CKMT2: variants seen among roughly 807,000 people sequenced by gnomAD.
CKMT2 encodes the protein creatine kinase S-type, mitochondrial.
Under a neutral mutation model 48.9 loss-of-function variants are expected in CKMT2, and 43 were observed. The ratio of observed to expected loss-of-function variants is 0.88; its 90% CI spans 0.69 to 1.13. The LOEUF (loss-of-function observed/expected upper bound fraction) is 1.13. Among genes scored for constraint, CKMT2 ranks in the 50% most tolerant of loss-of-function variants. The pLI is 0.00. For synonymous variants in CKMT2, 206 were observed against 213.0 expected (o/e 0.97, Z 0.29); for missense variants, 472 against 555.4 (o/e 0.85, Z 1.51).
intron 1 of CKMT2, among the ~76,000 whole-genome samples, chr5:81,236,530 T>C (rs1039001565): frequency 8.5e-5 from 13 of 152,206 alleles, no homozygotes; most frequent in African/African-American, 3.1e-4. Context: ...CCTTACATAA[T>C]GCATGGCTCA....
At chr5:81,263,651 CA>C (rs1561289347) in intron 9 of CKMT2, 35 bp downstream of exon 9, 1 of 1,580,418 alleles carries the variant, frequency 6.3e-7, no homozygotes, top group Admixed American at 1.7e-5. Flanking sequence ...CATGAACTAA[CA>C]AAATCAGCCT....
chr5:81,233,381 G>C lies in CKMT2; in HGVS notation c.-21+4G>C. ...CGTGGGAGGCTCCGGCTTCAAGGTC[G>C]GTGAGTCCGTGAAACTCTGCTTTAT... On this transcript the variant is annotated splice_donor_region_variant and intron_variant, in intron 1 of 9. Coordinates refer to ENST00000254035, the MANE Select transcript of CKMT2 (RefSeq NM_001099735.2). 1.0e-6 allele frequency: 1 copy of C among 985,774 alleles called. No homozygotes were observed. The highest frequency in any genetic ancestry group is 1.2e-6 in the Non-Finnish European group (1 of 830,200). 61.1% of individuals were successfully genotyped at this position (985,774 alleles called of 1,614,324 possible). A position where few individuals can be genotyped will look rare whatever the true frequency, so the allele number is the denominator to read the frequency against.
rs749435153 is a variant in CKMT2 at position 81,266,290 on chromosome 5, T to G, written c.*32T>G. On this transcript the variant is annotated 3_prime_UTR_variant, in exon 10 of 10. Coordinates refer to ENST00000254035, the MANE Select transcript of CKMT2 (RefSeq NM_001099735.2). Reference sequence around the variant, plus strand: ...CCTTTCCCAATTTATAAATAATCTGTCTGCTGGTACGACAGACATAAATCT... The same window carrying G: ...CCTTTCCCAATTTATAAATAATCTGGCTGCTGGTACGACAGACATAAATCT... 6.2e-7 allele frequency: 1 copy of G among 1,608,962 alleles called. No homozygotes were observed. Among genetic ancestry groups the G allele is most frequent in the South Asian group, 1.1e-5 (1 of 90,888 alleles).
At chr5:81,258,234 C>G (rs1388488768) in intron 7 of CKMT2, among the ~76,000 whole-genome samples, 2 of 150,980 alleles carry the variant, frequency 1.3e-5, no homozygotes, top group African/African-American at 4.9e-5. Flanking sequence ...CCACGCCCAG[C>G]CTCAAGGCAT....
At chr5:81,240,314 AAC>A (rs1273763795) in intron 1 of CKMT2, among the ~76,000 whole-genome samples, 2 of 152,144 alleles carry the variant, frequency 1.3e-5, no homozygotes, top group African/African-American at 4.8e-5. Flanking sequence ...CTTAAGGGAA[AAC>A]ACTCAGCATA....
chr5:81,234,413 GT>G (rs1453281363), intron 1 of CKMT2, among the ~76,000 whole-genome samples: 9 of 152,144 alleles, frequency 5.9e-5, no homozygotes, highest in Non-Finnish European at 1.3e-4. Flanking sequence ...CATTTTCTCT[GT>G]TCTGAACTCG....
intron 1 of CKMT2, chr5:81,245,358 G>A (rs559290677): frequency 6.6e-5 from 10 of 152,228 alleles, no homozygotes; most frequent in Non-Finnish European, 1.0e-4. Flanking sequence ...CTCACTAGCA[G>A]TGTTAACACT....
chr5:81,256,859 A>G, intron 5 of CKMT2, 56 bp from the exon 6 acceptor site: 2 of 1,270,320 alleles, frequency 1.6e-6, no homozygotes, highest in Non-Finnish European at 2.3e-6. Flanking sequence ...TGGCACTTGC[A>G]GTCCTGTTTG....
intron 1 of CKMT2, chr5:81,245,530 G>T (rs558451350): frequency 6.6e-6 from 1 of 152,382 alleles, no homozygotes; most frequent in African/African-American, 2.4e-5. Flanking sequence ...TACATTGAAG[G>T]CCTGAGAGAG....
At chr5:81,235,296 C>T (rs1053225697) in intron 1 of CKMT2, among the ~76,000 whole-genome samples, 7 of 152,282 alleles carry the variant, frequency 4.6e-5, no homozygotes, top group Admixed American at 1.3e-4. Context: ...TTTGAGGTAA[C>T]GCACACCCTT....
Position 81,259,196 on chromosome 5 carries a change from C to A in CKMT2, c.956C>A (p.Ser319Ter), listed in dbSNP as rs774845259. 6.2e-7 allele frequency: 1 copy of A among 1,614,000 alleles called. No individual in the cohort carries two copies. Among genetic ancestry groups the A allele is most frequent in the Non-Finnish European group, 8.5e-7 (1 of 1,179,966 alleles). ...CTAGGATACATTTTGACCTGTCCTT[C>A]GAACCTTGGAACAGGACTACGAGCT... Reference protein sequence around the residue: ...ERLGYILTCPSNLGTGLRAGV... With the variant: ...ERLGYILTCP Residue 319 changes from serine (S) to a stop codon, truncating the protein, a stop_gained, in exon 8 of 10, where the codon TCG (serine) becomes TAG (stop). Transcript: ENST00000254035. LOFTEE classifies it high-confidence loss of function.
At chr5:81,235,053 C>T (rs1756208337) in intron 1 of CKMT2, among the ~76,000 whole-genome samples, 1 of 152,164 alleles carries the variant, frequency 6.6e-6, no homozygotes. Flanking sequence ...GCCCACTTCA[C>T]AGCACTTCAA....
At chr5:81,236,422 C>T (rs558646353) in intron 1 of CKMT2, among the ~76,000 whole-genome samples, 1 of 152,278 alleles carries the variant, frequency 6.6e-6, no homozygotes, top group South Asian at 2.1e-4. Flanking sequence ...GCACTGAAAC[C>T]TGGGGCAGGT....
chr5:81,239,268 C>G (rs1388909675), intron 1 of CKMT2: 1 of 152,242 alleles, frequency 6.6e-6, no homozygotes, highest in Admixed American at 6.5e-5. Flanking sequence ...CTCCAAATTT[C>G]AGGGGAATTA....
chr5:81,248,493 G>A (rs1756685824), intron 1 of CKMT2, among the ~76,000 whole-genome samples: 2 of 152,210 alleles, frequency 1.3e-5, no homozygotes, highest in South Asian at 4.1e-4. Flanking sequence ...CAAGGACCAG[G>A]AAGCACTGGT....
intron 1 of CKMT2, among the ~76,000 whole-genome samples, chr5:81,245,942 T>C (rs1168852463): frequency 6.6e-6 from 1 of 152,034 alleles, no homozygotes; most frequent in Non-Finnish European, 1.5e-5. Flanking sequence ...ATCCCTGGTT[T>C]TCCCTTATCT....
intron 2 of CKMT2, chr5:81,252,363 G>T (rs563119772): frequency 2.8e-4 from 82 of 293,602 alleles, no homozygotes; most frequent in Non-Finnish European, 4.3e-4. Context: ...TGAGGCTGTG[G>T]TGGTCCTAAA....
At chr5:81,265,397 C>A (rs1757353700) in intron 9 of CKMT2, among the ~76,000 whole-genome samples, 1 of 152,178 alleles carries the variant, frequency 6.6e-6, no homozygotes, top group South Asian at 2.1e-4. Flanking sequence ...TCAATGGTCC[C>A]TTCCATCCTT....
chr5:81,244,588 G>A (rs1351703989), intron 1 of CKMT2, among the ~76,000 whole-genome samples: 1 of 152,176 alleles, frequency 6.6e-6, no homozygotes, highest in Non-Finnish European at 1.5e-5. Context: ...AGACAAAACT[G>A]TGGATAAGAG....
Sources: allele counts gnomAD v4.1 joint callset (sites outside exome capture counted in the v4.1 genomes callset), GRCh38; gene constraint gnomAD v4.1.1; transcripts MANE v1.5; gene names NCBI Gene and HGNC (gene_info 2026-07-23, HGNC 2026-07-21).